FRMD5: variants seen among roughly 807,000 people sequenced by gnomAD.
The protein encoded by FRMD5 is FERM domain-containing protein 5.
In FRMD5, 20 loss-of-function variants were observed where a neutral mutation model predicts 69.0. That is an observed-to-expected ratio of 0.29 (90% CI 0.20 to 0.42). FRMD5 has a LOEUF of 0.42. Among genes scored for constraint, FRMD5 ranks in the 10% least tolerant of loss-of-function variants. The probability of loss-of-function intolerance (pLI) is 1.00; values close to 1 mark genes in which losing one functional copy is unlikely to be tolerated. For synonymous variants in FRMD5, 271 were observed against 260.1 expected, an observed-to-expected ratio of 1.04 and a Z score of -0.40; for missense variants, 595 against 708.6, an observed-to-expected ratio of 0.84 and a Z score of 1.82.
intron 1 of FRMD5, among the ~76,000 whole-genome samples, chr15:43,948,590 A>T (rs957325933): frequency 6.6e-6 from 1 of 152,232 alleles, no homozygotes; most frequent in Admixed American, 6.5e-5. Context: ...CCTAACTTAT[A>T]AAACAGTTTC....
At chr15:43,993,187 A>C (rs936265906) in intron 1 of FRMD5, among the ~76,000 whole-genome samples, 9 of 151,958 alleles carry the variant, frequency 5.9e-5, no homozygotes, top group African/African-American at 1.9e-4. Context: ...CTAACATAAT[A>C]GTTTTTTTGT....
chr15:44,101,175 A>G (rs1324769011), intron 1 of FRMD5, among the ~76,000 whole-genome samples: 2 of 151,850 alleles, frequency 1.3e-5, no homozygotes, highest in African/African-American at 4.8e-5. Flanking sequence ...AACAAACAGA[A>G]AAGAAAAAAG....
chr15:44,058,167 G>A (rs2140369345), intron 1 of FRMD5, among the ~76,000 whole-genome samples: 1 of 152,266 alleles, frequency 6.6e-6, no homozygotes, highest in East Asian at 1.9e-4. Context: ...CATCTGTTCT[G>A]AGGAGAAGTT....
intron 1 of FRMD5, among the ~76,000 whole-genome samples, chr15:44,086,760 G>A (rs760431132): frequency 5.3e-5 from 8 of 152,102 alleles, no homozygotes; most frequent in Non-Finnish European, 8.8e-5. Context: ...TACTGATAGA[G>A]TACTTCCATG....
chr15:44,153,388 AAAGG>A (rs2077476882), intron 1 of FRMD5, among the ~76,000 whole-genome samples: 1 of 152,234 alleles, frequency 6.6e-6, no homozygotes. Context: ...TCAGACTTTA[AAAGG>A]AAGGAAACTC....
chr15:44,130,665 T>C (rs772102321), intron 1 of FRMD5, among the ~76,000 whole-genome samples: 16 of 152,076 alleles, frequency 1.1e-4, no homozygotes, highest in Non-Finnish European at 2.1e-4. Flanking sequence ...TAGTTACAAA[T>C]TACAGGGCAG....
chr15:43,895,789 G>A (rs1455223249), intron 7 of FRMD5, among the ~76,000 whole-genome samples: 2 of 152,144 alleles, frequency 1.3e-5, no homozygotes, highest in Non-Finnish European at 2.9e-5. Flanking sequence ...GTGTGGAAGG[G>A]ACTCGAATTA....
rs140254900 is a variant in FRMD5, at chr15:44,062,417, G to A, written c.102+132536C>T. On this transcript the variant is annotated intron_variant, in intron 1 of 13. Transcript: ENST00000417257. ...AAAAGTTAGTAGCTACAGGCTGGGC[G>A]CTGTGGCTCATGCCTGTAATCCCAG... Among the ~76,000 whole-genome samples, 657 of 152,168 alleles carry A rather than the reference G, an allele frequency of 4.3e-3. 4 individuals are homozygous for A. The highest frequency in any genetic ancestry group is 6.1e-3 in the Non-Finnish European group (414 of 68,002).
intron 1 of FRMD5, among the ~76,000 whole-genome samples, chr15:44,005,095 C>A (rs1890377146): frequency 6.6e-6 from 1 of 152,192 alleles, no homozygotes; most frequent in East Asian, 1.9e-4. Flanking sequence ...GATAAGAAAG[C>A]TGCACAAGAC....
At chr15:44,164,075 T>G (rs888588409) in intron 1 of FRMD5, among the ~76,000 whole-genome samples, 2 of 152,060 alleles carry the variant, frequency 1.3e-5, no homozygotes, top group Non-Finnish European at 2.9e-5. Context: ...ACAAAATGCT[T>G]CTCTCCTTCA....
At chr15:43,876,325 CT>C in intron 13 of FRMD5, 1 of 983,830 alleles carries the variant, frequency 1.0e-6, no homozygotes, top group Non-Finnish European at 1.6e-6. Context: ...CAAACTACCC[CT>C]GATGCAGAGC....
At chr15:44,097,800 T>C (rs761969028) in intron 1 of FRMD5, among the ~76,000 whole-genome samples, 3 of 152,158 alleles carry the variant, frequency 2.0e-5, no homozygotes, top group Admixed American at 6.6e-5. Flanking sequence ...TCCCAAACAA[T>C]TGATTTCAAC....
chr15:43,880,129 G>C (rs1179797313), intron 13 of FRMD5, among the ~76,000 whole-genome samples: 1 of 152,188 alleles, frequency 6.6e-6, no homozygotes, highest in African/African-American at 2.4e-5. Flanking sequence ...CCTTTATCCA[G>C]GCCATATATA....
chr15:43,924,362 T>A, intron 1 of FRMD5, 53 bp from the exon 2 acceptor site: 1 of 441,104 alleles, frequency 2.3e-6, no homozygotes. Flanking sequence ...TCAGTGTAAC[T>A]TTTTTTTTTT....
At chr15:44,183,565 T>C (rs1036605699) in intron 1 of FRMD5, among the ~76,000 whole-genome samples, 2 of 152,160 alleles carry the variant, frequency 1.3e-5, no homozygotes, top group African/African-American at 4.8e-5. Flanking sequence ...TATTGTGCAG[T>C]GAGGTGTTCA....
At position 44,007,009 on chromosome 15, in the gene FRMD5, C is replaced by T. The variant is rs117644355; in HGVS notation, c.103-82700G>A. On this transcript the variant is annotated intron_variant, in intron 1 of 13. Coordinates refer to ENST00000417257, the MANE Select transcript of FRMD5 (RefSeq NM_032892.5). ...AATCTTTCATAAAAGGAAGAGTCCA[C>T]TGATGTGCCAAACTTCATGGTTATC... is the stretch of plus-strand genomic sequence containing the variant. Among the ~76,000 whole-genome samples the T allele has an allele frequency of 2.3e-3, 352 of 152,282 alleles. 7 individuals are homozygous for T. The East Asian group carries it at 0.059, about 26-fold the overall frequency.
intron 1 of FRMD5, among the ~76,000 whole-genome samples, chr15:44,142,558 T>C (rs1359253492): frequency 1.3e-5 from 2 of 152,134 alleles, no homozygotes; most frequent in Non-Finnish European, 1.5e-5. Flanking sequence ...GGGAAATATA[T>C]AACTATTGAA....
chr15:44,057,384 G>A (rs1892915195), intron 1 of FRMD5, among the ~76,000 whole-genome samples: 1 of 151,888 alleles, frequency 6.6e-6, no homozygotes, highest in Non-Finnish European at 1.5e-5. Context: ...GGGATTACTG[G>A]CGTGAGCCAC....
At chr15:44,066,154 T>C (rs757402098) in intron 1 of FRMD5, among the ~76,000 whole-genome samples, 28 of 152,214 alleles carry the variant, frequency 1.8e-4, no homozygotes, top group Non-Finnish European at 3.2e-4. Flanking sequence ...TTTCAAGATT[T>C]TTCTCCACAG....
Sources: gnomAD v4.1 joint callset for allele counts (sites outside exome capture counted in the v4.1 genomes callset) on GRCh38, gnomAD v4.1.1 for gene constraint, MANE v1.5 for transcripts, NCBI Gene and HGNC (gene_info 2026-07-23, HGNC 2026-07-21) for gene names.